NXPH1: variants seen among roughly 807,000 people sequenced by gnomAD.
NXPH1 encodes the protein neurexophilin 1.
NXPH1 carries 5 observed loss-of-function variants against 23.7 expected under a neutral mutation model. The ratio of observed to expected loss-of-function variants is 0.21; its 90% CI spans 0.11 to 0.44. The LOEUF (loss-of-function observed/expected upper bound fraction) is 0.44, where lower values mean the gene tolerates loss of function less well. Ranked by LOEUF, NXPH1 falls within the 20% of genes least tolerant of loss-of-function variation. The probability of loss-of-function intolerance (pLI) is 0.99; values close to 1 mark genes in which losing one functional copy is unlikely to be tolerated. For synonymous variants in NXPH1, 144 were observed against 122.2 expected (o/e 1.18, Z -1.18); for missense variants, 324 against 321.6 (o/e 1.01, Z -0.06).
rs1583226073 is a variant in NXPH1 at position 8,676,806 on chromosome 7, G to C, written c.55-74202G>C. 4.6e-5 allele frequency among the ~76,000 whole-genome samples: 7 copies of C among 152,286 alleles called. No individual in the cohort carries two copies. The South Asian group carries it at 1.4e-3, about 32-fold the overall frequency. ...GAAAACATACTGTTTGGGACCTATA[G>C]TTTTATACTCTGTTGTTTCAAATCT... On this transcript the variant is annotated intron_variant, in intron 2 of 2. Transcript: ENST00000405863.
At chr7:8,438,291 T>C (rs1049765352) in intron 2 of NXPH1, among the ~76,000 whole-genome samples, 4 of 152,248 alleles carry the variant, frequency 2.6e-5, no homozygotes, top group Non-Finnish European at 5.9e-5. Flanking sequence ...TGATCATTTG[T>C]TTGTAGCTGC....
At chr7:8,656,010 G>A (rs1210271095) in intron 2 of NXPH1, among the ~76,000 whole-genome samples, 1 of 152,152 alleles carries the variant, frequency 6.6e-6, no homozygotes, top group Non-Finnish European at 1.5e-5. Flanking sequence ...GGCTAGGAAG[G>A]CATTTAATAT....
intron 2 of NXPH1, among the ~76,000 whole-genome samples, chr7:8,487,611 A>G (rs1482022984): frequency 6.6e-6 from 1 of 152,068 alleles, no homozygotes; most frequent in African/African-American, 2.4e-5. Context: ...CTACTTATGC[A>G]TTGGTACTGT....
chr7:8,670,637 T>G (rs1461826987), intron 2 of NXPH1, among the ~76,000 whole-genome samples: 1 of 152,244 alleles, frequency 6.6e-6, no homozygotes, highest in Non-Finnish European at 1.5e-5. Context: ...TAGCATCACC[T>G]TTAGGCTGCC....
At chr7:8,667,314 T>C (rs942289092) in intron 2 of NXPH1, among the ~76,000 whole-genome samples, 1 of 152,126 alleles carries the variant, frequency 6.6e-6, no homozygotes, top group Non-Finnish European at 1.5e-5. Flanking sequence ...CCATTTTTTT[T>C]CAGCTTGAAG....
At chr7:8,617,130 A>G (rs1281872540) in intron 2 of NXPH1, among the ~76,000 whole-genome samples, 1 of 152,152 alleles carries the variant, frequency 6.6e-6, no homozygotes, top group Non-Finnish European at 1.5e-5. Flanking sequence ...AGTAGAGGCC[A>G]GGGATGCTGG....
chr7:8,619,692 C>T (rs79325880), intron 2 of NXPH1, among the ~76,000 whole-genome samples: 31 of 152,184 alleles, frequency 2.0e-4, no homozygotes, highest in Admixed American at 3.3e-4. Context: ...TATTCTCCAG[C>T]GTATTTTTTA....
intron 2 of NXPH1, among the ~76,000 whole-genome samples, chr7:8,742,182 C>T (rs1411135093): frequency 6.6e-6 from 1 of 152,022 alleles, no homozygotes; most frequent in African/African-American, 2.4e-5. Context: ...AAGTCTATGG[C>T]CAGTAAAGAC....
At chr7:8,523,497 A>G (rs919522484) in intron 2 of NXPH1, among the ~76,000 whole-genome samples, 7 of 152,346 alleles carry the variant, frequency 4.6e-5, no homozygotes, top group African/African-American at 1.7e-4. Context: ...GCACTTCTAA[A>G]ACTGTGTCCC....
intron 2 of NXPH1, among the ~76,000 whole-genome samples, chr7:8,562,288 G>C (rs1031015236): frequency 2.0e-5 from 3 of 151,678 alleles, no homozygotes; most frequent in Non-Finnish European, 4.4e-5. Context: ...GGAAAATATT[G>C]ATCCTCAAAA....
chr7:8,464,001 C>A (rs2128607246), intron 2 of NXPH1, among the ~76,000 whole-genome samples: 1 of 152,184 alleles, frequency 6.6e-6, no homozygotes, highest in African/African-American at 2.4e-5. Context: ...CATATGTTCC[C>A]AGAGACGTCT....
chr7:8,504,000 C>G (rs554569836), intron 2 of NXPH1, among the ~76,000 whole-genome samples: 1 of 152,100 alleles, frequency 6.6e-6, no homozygotes, highest in South Asian at 2.1e-4. Context: ...CTACTAGTGC[C>G]TATTCTTCTG....
At chr7:8,508,896 G>A (rs1817570458) in intron 2 of NXPH1, among the ~76,000 whole-genome samples, 1 of 152,044 alleles carries the variant, frequency 6.6e-6, no homozygotes, top group Admixed American at 6.6e-5. Flanking sequence ...GTCATTTGGG[G>A]AGGCGGGCAC....
At position 8,658,267 on chromosome 7, in the gene NXPH1, A is replaced by C. The variant is rs1019332111; in HGVS notation, c.55-92741A>C. On this transcript the variant is annotated intron_variant, in intron 2 of 2. Coordinates refer to ENST00000405863, the MANE Select transcript of NXPH1 (RefSeq NM_152745.3). ...CTCAGTGCCTAAATTGTAAGTTCCT[A>C]CTACTATGTTTTATTCTTTTTATCT... 1.8e-4 allele frequency among the ~76,000 whole-genome samples: 28 copies of C among 152,222 alleles called. 1 individual carries two copies. Among genetic ancestry groups the C allele is most frequent in the Non-Finnish European group, 2.9e-5 (2 of 68,038 alleles).
intron 2 of NXPH1, among the ~76,000 whole-genome samples, chr7:8,449,484 C>T (rs1816467223): frequency 6.6e-6 from 1 of 152,096 alleles, no homozygotes; most frequent in Non-Finnish European, 1.5e-5. Context: ...TTTAATGACC[C>T]TATAAGATGA....
chr7:8,697,602 G>C (rs1779555446), intron 2 of NXPH1, among the ~76,000 whole-genome samples: 1 of 152,090 alleles, frequency 6.6e-6, no homozygotes, highest in Admixed American at 6.6e-5. Context: ...GATTTTATTG[G>C]TTGTGTGATA....
At chr7:8,498,380 T>C (rs1157794001) in intron 2 of NXPH1, among the ~76,000 whole-genome samples, 1 of 152,048 alleles carries the variant, frequency 6.6e-6, no homozygotes, top group African/African-American at 2.4e-5. Context: ...GATTTTTGTC[T>C]TGGCTGAAAT....
At chr7:8,437,290 A>G (rs1285177102) in intron 2 of NXPH1, among the ~76,000 whole-genome samples, 3 of 151,460 alleles carry the variant, frequency 2.0e-5, no homozygotes, top group Admixed American at 1.3e-4. Flanking sequence ...CAGTAAGCCC[A>G]CTGACATTGA....
intron 2 of NXPH1, among the ~76,000 whole-genome samples, chr7:8,739,198 A>AAC (rs1562471018): frequency 5.0e-5 from 7 of 140,092 alleles, no homozygotes; most frequent in African/African-American, 1.6e-4. Flanking sequence ...AAAAAAAAAA[A>AAC]AAAAAACCCT....
Sources: gnomAD v4.1 joint callset for allele counts (sites outside exome capture counted in the v4.1 genomes callset) on GRCh38, gnomAD v4.1.1 for gene constraint, MANE v1.5 for transcripts, NCBI Gene and HGNC (gene_info 2026-07-23, HGNC 2026-07-21) for gene names.